Variants in ARHGEF28 observed in about 807,000 individuals in gnomAD.
ARHGEF28 encodes the protein Rho guanine nucleotide exchange factor 28.
A neutral mutation model predicts 206.6 loss-of-function variants in ARHGEF28; 152 were observed. That is an observed-to-expected ratio of 0.74 (90% CI 0.64 to 0.84). The LOEUF is 0.84. Among genes scored for constraint, ARHGEF28 ranks in the 40% least tolerant of loss-of-function variants. The pLI is 0.00. For missense variants in ARHGEF28, 2,028 were observed against 2,073.2 expected (o/e 0.98, Z 0.42); for synonymous variants, 763 against 776.4 (o/e 0.98, Z 0.29).
chr5:73,644,491 G>C (rs901016173), intron 1 of ARHGEF28, among the ~76,000 whole-genome samples: 1 of 152,148 alleles, frequency 6.6e-6, no homozygotes, highest in Non-Finnish European at 1.5e-5. Flanking sequence ...GCAAACCTGA[G>C]CATGTCCGTT....
rs566263594 is a variant in ARHGEF28 at position 73,651,663 on chromosome 5, A to G, written c.-12+25341A>G. On this transcript the variant is annotated intron_variant, in intron 1 of 35. Coordinates refer to ENST00000513042, the MANE Select transcript of ARHGEF28 (RefSeq NM_001177693.2). ...AAATCTTTTATTTTTCACTTTTTAC[A>G]TTACTAATTTTTTTATGTTATTAAA... 6.6e-5 allele frequency among the ~76,000 whole-genome samples: 10 copies of G among 152,046 alleles called. No individual in the cohort carries two copies. The South Asian group carries it at 1.7e-3, about 25-fold the overall frequency.
chr5:73,737,408 T>G (rs907797975), intron 2 of ARHGEF28, among the ~76,000 whole-genome samples: 4 of 150,820 alleles, frequency 2.7e-5, no homozygotes, highest in African/African-American at 9.7e-5. Context: ...ACTGCCGTTG[T>G]TTTTGTTTCT....
chr5:73,939,165 T>A (rs925431566), intron 35 of ARHGEF28, among the ~76,000 whole-genome samples: 1 of 152,174 alleles, frequency 6.6e-6, no homozygotes, highest in African/African-American at 2.4e-5. Flanking sequence ...ACTTCCTAGC[T>A]GCATGATGTG....
chr5:73,849,097 A>T lies in ARHGEF28; in HGVS notation c.1747+10A>T. ...TGCAGTTCAAGTGAAGGTAAGCATC[A>T]TTTAACATTTGGCTTTGAAAACACT... is the stretch of plus-strand genomic sequence containing the variant. On this transcript the variant is annotated intron_variant, in intron 13 of 35. Coordinates refer to ENST00000513042, the MANE Select transcript of ARHGEF28 (RefSeq NM_001177693.2). 6.5e-7 allele frequency: 1 copy of T among 1,529,682 alleles called. No homozygotes were observed. 94.8% of individuals were successfully genotyped at this position (1,529,682 alleles called of 1,614,324 possible).
chr5:73,706,772 A>T (rs1580508275), intron 2 of ARHGEF28, among the ~76,000 whole-genome samples: 1 of 152,196 alleles, frequency 6.6e-6, no homozygotes, highest in South Asian at 2.1e-4. Flanking sequence ...GGAGGTCAAG[A>T]TGCTGCCAGC....
rs766331612 is a variant in ARHGEF28, at chr5:73,752,981, G to A, written c.254G>A (p.Gly85Asp). Residue 85 changes from glycine (G) to aspartate (D), a missense_variant, in exon 4 of 36, where the codon GGC becomes GAC. By Grantham distance (94) the Gly-to-Asp change is moderately conservative. This residue lies in a region of ARHGEF28 where 1,002 missense variants were observed against 1,015.3 expected (regional missense o/e 0.99). Transcript: ENST00000513042. Reference sequence around the variant, plus strand: ...GAAGGTTACTCTCCGGTGACCATGGGCTCTGGCTCAGTGACCTACGTGGAC... The same window carrying A: ...GAAGGTTACTCTCCGGTGACCATGGACTCTGGCTCAGTGACCTACGTGGAC... ...CSEGYSPVTM[G>D]SGSVTYVDNM... is the part of the protein sequence containing the mutation. The A allele has an allele frequency of 6.2e-6, 10 of 1,613,804 alleles. No individual in the cohort carries two copies. The South Asian group carries it at 8.8e-5, about 14-fold the overall frequency.
intron 11 of ARHGEF28, among the ~76,000 whole-genome samples, chr5:73,842,229 G>A (rs2973573): frequency 0.71 from 107,697 of 152,094 alleles, 38,270 homozygotes; most frequent in East Asian, 0.79. Flanking sequence ...TCATTTTCAC[G>A]TATAAAATGA....
intron 6 of ARHGEF28, 185 bp from the exon 7 acceptor site, chr5:73,780,491 G>A (rs1020506999): frequency 3.4e-6 from 2 of 587,926 alleles, no homozygotes; most frequent in South Asian, 2.2e-5. Context: ...AGTTTCTCCT[G>A]ACTTTGCTCG....
chr5:73,804,202 T>C (rs1448198764), intron 9 of ARHGEF28, among the ~76,000 whole-genome samples: 1 of 151,872 alleles, frequency 6.6e-6, no homozygotes, highest in African/African-American at 2.4e-5. Context: ...GCCAATGAAA[T>C]TTCAGCCCAT....
chr5:73,679,763 G>A (rs1459456686), intron 1 of ARHGEF28, among the ~76,000 whole-genome samples: 1 of 152,042 alleles, frequency 6.6e-6, no homozygotes, highest in South Asian at 2.1e-4. Context: ...TAGGTTTATA[G>A]CACTTCTATT....
chr5:73,677,616 CT>C (rs1308823935), intron 1 of ARHGEF28, among the ~76,000 whole-genome samples: 5 of 151,908 alleles, frequency 3.3e-5, no homozygotes, highest in South Asian at 2.1e-4. Context: ...TAGTCTAATA[CT>C]TTTTTTTAGA....
intron 1 of ARHGEF28, among the ~76,000 whole-genome samples, chr5:73,638,711 C>T (rs1743875457): frequency 6.6e-6 from 1 of 152,164 alleles, no homozygotes; most frequent in Non-Finnish European, 1.5e-5. Context: ...TAAAATCCTT[C>T]TCTGCCACAG....
chr5:73,920,100 T>C (rs548231925), intron 35 of ARHGEF28, among the ~76,000 whole-genome samples: 2 of 152,334 alleles, frequency 1.3e-5, no homozygotes, highest in African/African-American at 4.8e-5. Context: ...TTGACTCTTT[T>C]ACTGAGGCAC....
chr5:73,883,556 G>C (rs1761085668), intron 23 of ARHGEF28, among the ~76,000 whole-genome samples: 1 of 152,150 alleles, frequency 6.6e-6, no homozygotes, highest in Non-Finnish European at 1.5e-5. Flanking sequence ...TCAGTAACTT[G>C]AAACTTCTTA....
intron 1 of ARHGEF28, among the ~76,000 whole-genome samples, chr5:73,664,086 C>T (rs1043000461): frequency 3.3e-5 from 5 of 152,208 alleles, no homozygotes; most frequent in Admixed American, 3.3e-4. Flanking sequence ...CCTGTCTTTT[C>T]CTGAACTCTC....
At chr5:73,855,749 TAA>T (rs974165183) in intron 14 of ARHGEF28, among the ~76,000 whole-genome samples, 2 of 151,774 alleles carry the variant, frequency 1.3e-5, no homozygotes, top group African/African-American at 4.8e-5. Flanking sequence ...AAAAAAAAGT[TAA>T]AGTGTCGTGT....
chr5:73,810,293 G>T (rs898009364), intron 9 of ARHGEF28, among the ~76,000 whole-genome samples: 9 of 152,172 alleles, frequency 5.9e-5, no homozygotes, highest in Non-Finnish European at 1.0e-4. Flanking sequence ...TGTCAGTTGG[G>T]TGTCTCACAT....
chr5:73,734,064 C>T (rs780235705), intron 2 of ARHGEF28, among the ~76,000 whole-genome samples: 2 of 152,168 alleles, frequency 1.3e-5, no homozygotes, highest in Non-Finnish European at 2.9e-5. Flanking sequence ...GGAGCTACCC[C>T]CATGATCCAA....
chr5:73,916,581 A>G lies in ARHGEF28; in HGVS notation c.4948+5006A>G, dbSNP rs909927385. ...TCCCCCTGTGCCTGTCTGTGCCCCA[A>G]TCTCTCTTTATATCAGTGATATTGG... On this transcript the variant is annotated intron_variant, in intron 35 of 35. Coordinates refer to ENST00000513042, the MANE Select transcript of ARHGEF28 (RefSeq NM_001177693.2). Among the ~76,000 whole-genome samples the G allele has an allele frequency of 5.9e-5, 9 of 152,192 alleles. No individual in the cohort carries two copies. In the East Asian group the frequency reaches 1.7e-3, roughly 29 times the overall value.
Sources: allele counts gnomAD v4.1 joint callset (sites outside exome capture counted in the v4.1 genomes callset), GRCh38; gene constraint gnomAD v4.1.1; regional missense constraint gnomAD v4.1.1; transcripts MANE v1.5; gene names NCBI Gene and HGNC (gene_info 2026-07-23, HGNC 2026-07-21).